Variants in BMP6 observed in about 807,000 individuals in gnomAD.
The protein encoded by BMP6 is VG-1-R.
In BMP6, 17 loss-of-function variants were observed where a neutral mutation model predicts 54.1. The ratio of observed to expected loss-of-function variants is 0.31; its 90% CI spans 0.22 to 0.47. The LOEUF is 0.47. Ranked by LOEUF, BMP6 falls within the 20% of genes least tolerant of loss-of-function variation. BMP6 has a pLI of 1.00. For missense variants in BMP6, 720 were observed against 690.4 expected, an observed-to-expected ratio of 1.04 and a Z score of -0.48; for synonymous variants, 328 against 291.2, an observed-to-expected ratio of 1.13 and a Z score of -1.28.
intron 1 of BMP6, among the ~76,000 whole-genome samples, chr6:7,807,441 C>T (rs1057426241): frequency 2.6e-5 from 4 of 152,222 alleles, no homozygotes; most frequent in East Asian, 3.9e-4. Context: ...CCACCACACC[C>T]GGCTGATTTT....
intron 1 of BMP6, among the ~76,000 whole-genome samples, chr6:7,761,086 A>G (rs1043284363): frequency 2.0e-5 from 3 of 152,240 alleles, no homozygotes; most frequent in Non-Finnish European, 2.9e-5. Context: ...AATGCGATAC[A>G]ATATCCTCTT....
chr6:7,870,502 TCTC>T (rs1759506897), intron 4 of BMP6, among the ~76,000 whole-genome samples: 1 of 152,204 alleles, frequency 6.6e-6, no homozygotes, highest in Non-Finnish European at 1.5e-5. Flanking sequence ...CCAACTCTGT[TCTC>T]CTTCTGAGGG....
At chr6:7,825,003 C>A (rs999086403) in intron 1 of BMP6, among the ~76,000 whole-genome samples, 1 of 152,212 alleles carries the variant, frequency 6.6e-6, no homozygotes, top group Non-Finnish European at 1.5e-5. Context: ...GGGATTCACA[C>A]CCTGTTGTAT....
At chr6:7,755,994 G>C (rs774008030) in intron 1 of BMP6, among the ~76,000 whole-genome samples, 2 of 151,968 alleles carry the variant, frequency 1.3e-5, no homozygotes, top group Non-Finnish European at 2.9e-5. Context: ...TTTATCATGT[G>C]CCTTGGTGTT....
At chr6:7,876,792 A>G (rs1011738945) in intron 4 of BMP6, among the ~76,000 whole-genome samples, 16 of 151,860 alleles carry the variant, frequency 1.1e-4, no homozygotes, top group East Asian at 1.9e-4. Flanking sequence ...TTTTACATCT[A>G]CCTGTTCTTT....
chr6:7,868,426 G>A (rs927321720), intron 4 of BMP6, among the ~76,000 whole-genome samples: 1 of 152,192 alleles, frequency 6.6e-6, no homozygotes, highest in African/African-American at 2.4e-5. Flanking sequence ...CACCTGCTGC[G>A]CGTTCTTCAA....
chr6:7,766,277 T>G (rs1757686592), intron 1 of BMP6, among the ~76,000 whole-genome samples: 1 of 152,306 alleles, frequency 6.6e-6, no homozygotes, highest in South Asian at 2.1e-4. Context: ...CTGAGTGGCT[T>G]TGCAATCTAC....
At chr6:7,764,847 A>G (rs890690393) in intron 1 of BMP6, among the ~76,000 whole-genome samples, 3 of 152,170 alleles carry the variant, frequency 2.0e-5, no homozygotes, top group African/African-American at 7.2e-5. Context: ...ACGAGGCCCA[A>G]GGGAGAGTAG....
intron 1 of BMP6, among the ~76,000 whole-genome samples, chr6:7,837,396 C>T (rs375078486): frequency 5.3e-5 from 8 of 151,992 alleles, no homozygotes; most frequent in Non-Finnish European, 7.4e-5. Flanking sequence ...GAAAAGTGAA[C>T]GTACAAATTC....
At chr6:7,734,814 C>CG (rs2113107878) in intron 1 of BMP6, among the ~76,000 whole-genome samples, 1 of 152,330 alleles carries the variant, frequency 6.6e-6, no homozygotes, top group East Asian at 1.9e-4. Flanking sequence ...TGGGTCCCCA[C>CG]GGTCTCGTTA....
intron 1 of BMP6, among the ~76,000 whole-genome samples, chr6:7,789,932 A>G (rs963047966): frequency 2.6e-5 from 4 of 152,226 alleles, no homozygotes; most frequent in Admixed American, 2.6e-4. Flanking sequence ...AAATCAAGTC[A>G]TTTTGATGAA....
At chr6:7,728,381 C>T (rs1201243428) in intron 1 of BMP6, among the ~76,000 whole-genome samples, 2 of 152,200 alleles carry the variant, frequency 1.3e-5, no homozygotes, top group Non-Finnish European at 1.5e-5. Flanking sequence ...GGGGTAGGGG[C>T]CGGGGTTGGG....
At chr6:7,770,037 C>T (rs995967319) in intron 1 of BMP6, among the ~76,000 whole-genome samples, 1 of 152,082 alleles carries the variant, frequency 6.6e-6, no homozygotes. Flanking sequence ...TCCCCTCCTC[C>T]AACACCACCC....
intron 1 of BMP6, among the ~76,000 whole-genome samples, chr6:7,838,760 G>A (rs1758916935): frequency 6.6e-6 from 1 of 152,226 alleles, no homozygotes; most frequent in Middle Eastern, 3.4e-3. Flanking sequence ...GGCTAATACG[G>A]TGAAACCTCG....
intron 1 of BMP6, among the ~76,000 whole-genome samples, chr6:7,813,031 G>A (rs1331970263): frequency 7.3e-6 from 1 of 136,748 alleles, no homozygotes; most frequent in African/African-American, 2.8e-5. Flanking sequence ...CAGCACTGGA[G>A]GCTGAGGCAG....
At chr6:7,773,456 TG>T (rs1420949229) in intron 1 of BMP6, among the ~76,000 whole-genome samples, 3 of 152,162 alleles carry the variant, frequency 2.0e-5, no homozygotes, top group African/African-American at 7.2e-5. Context: ...CAGAGGTCAC[TG>T]TGGAGAGTAT....
intron 1 of BMP6, among the ~76,000 whole-genome samples, chr6:7,748,583 A>G (rs1005025808): frequency 2.0e-5 from 3 of 152,132 alleles, no homozygotes; most frequent in African/African-American, 7.2e-5. Flanking sequence ...TGCAGGGGAA[A>G]ATGAAGTAGA....
chr6:7,788,558 A>AT (rs1758050486), intron 1 of BMP6, among the ~76,000 whole-genome samples: 1 of 152,206 alleles, frequency 6.6e-6, no homozygotes. Context: ...AGGGTGTAAT[A>AT]TCCTATGAAT....
At chr6:7,863,635 A>G (rs1048354467) in intron 4 of BMP6, among the ~76,000 whole-genome samples, 1 of 152,140 alleles carries the variant, frequency 6.6e-6, no homozygotes, top group African/African-American at 2.4e-5. Flanking sequence ...GAATAAGGTG[A>G]GTCCCATTCT....
Sources: allele counts gnomAD v4.1 joint callset (sites outside exome capture counted in the v4.1 genomes callset), GRCh38; gene constraint gnomAD v4.1.1; transcripts MANE v1.5; gene names NCBI Gene and HGNC (gene_info 2026-07-23, HGNC 2026-07-21).